NTNG1: variants seen among roughly 807,000 people sequenced by gnomAD.
NTNG1 encodes the protein netrin-G1.
Under a neutral mutation model 54.0 loss-of-function variants are expected in NTNG1, and 16 were observed. That is an observed-to-expected ratio of 0.30 (90% CI 0.20 to 0.45). The LOEUF (loss-of-function observed/expected upper bound fraction) is 0.45, where lower values mean the gene tolerates loss of function less well. NTNG1 is among the 20% of genes least tolerant of loss of function. The pLI is 1.00. For missense variants in NTNG1, 530 were observed against 678.7 expected, an observed-to-expected ratio of 0.78 and a Z score of 2.43; for synonymous variants, 255 against 263.1, an observed-to-expected ratio of 0.97 and a Z score of 0.30.
At chr1:107,152,025 TATATATAC>T (rs1654608101) in intron 2 of NTNG1, among the ~76,000 whole-genome samples, 1 of 149,976 alleles carries the variant, frequency 6.7e-6, no homozygotes, top group African/African-American at 2.5e-5. Flanking sequence ...CACATACATA[TATATATAC>T]ATACATATAT....
chr1:107,156,388 TAAG>T (rs1655000299), intron 2 of NTNG1, among the ~76,000 whole-genome samples: 1 of 152,082 alleles, frequency 6.6e-6, no homozygotes, highest in Admixed American at 6.6e-5. Flanking sequence ...TGTGAGGAAA[TAAG>T]AATCTGTTTA....
At chr1:107,370,201 C>T (rs750346487) in intron 3 of NTNG1, among the ~76,000 whole-genome samples, 60 of 142,096 alleles carry the variant, frequency 4.2e-4, no homozygotes, top group Non-Finnish European at 7.3e-4. Context: ...AAGCCCTTTA[C>T]ATTTCCATGT....
chr1:107,180,285 GGCTTATTTGT>G (rs1442161877), intron 2 of NTNG1, among the ~76,000 whole-genome samples: 1 of 152,006 alleles, frequency 6.6e-6, no homozygotes, highest in Non-Finnish European at 1.5e-5. Flanking sequence ...AAGTTTGTCT[GGCTTATTTGT>G]GCTCCTTCTC....
At chr1:107,342,913 C>T (rs10881463) in intron 3 of NTNG1, among the ~76,000 whole-genome samples, 38,321 of 151,988 alleles carry the variant, frequency 0.25, 4,932 homozygotes, top group Middle Eastern at 0.4. Context: ...GACACACTCC[C>T]TATCCCTGTG....
chr1:107,406,004 A>G (rs1026397250), intron 4 of NTNG1, among the ~76,000 whole-genome samples: 1 of 152,166 alleles, frequency 6.6e-6, no homozygotes, highest in African/African-American at 2.4e-5. Flanking sequence ...GAGTTAAAAC[A>G]TGGACATGGA....
chr1:107,152,126 T>C (rs1654623630), intron 2 of NTNG1, among the ~76,000 whole-genome samples: 1 of 152,106 alleles, frequency 6.6e-6, no homozygotes, highest in Non-Finnish European at 1.5e-5. Flanking sequence ...TTGAAAACCA[T>C]ATATTTTCTT....
intron 2 of NTNG1, among the ~76,000 whole-genome samples, chr1:107,173,932 A>G (rs1006368062): frequency 2.6e-5 from 4 of 152,084 alleles, no homozygotes; most frequent in African/African-American, 7.2e-5. Flanking sequence ...TACACTAGTC[A>G]ACACTACCTT....
intron 2 of NTNG1, among the ~76,000 whole-genome samples, chr1:107,207,656 T>C (rs1318308333): frequency 6.6e-6 from 1 of 152,328 alleles, no homozygotes; most frequent in East Asian, 1.9e-4. Context: ...TTCAAAATGA[T>C]TCAAAACTTT....
chr1:107,288,418 G>C (rs904110556), intron 2 of NTNG1, among the ~76,000 whole-genome samples: 1 of 152,118 alleles, frequency 6.6e-6, no homozygotes, highest in East Asian at 1.9e-4. Flanking sequence ...TTGCATTGAA[G>C]TACAAACGGA....
At position 107,328,260 on chromosome 1, in the gene NTNG1, C is replaced by T. The variant is rs1433654877; in HGVS notation, c.887+3338C>T. On this transcript the variant is annotated intron_variant, in intron 3 of 7. Coordinates refer to ENST00000370068, the MANE Select transcript of NTNG1 (RefSeq NM_001113226.3). ...TTCAGTAAATCACGGTGATTTTCTCCAGTGAATAACAGACGAGTGCAGTGT... is the reference window on the plus strand; with the variant it reads ...TTCAGTAAATCACGGTGATTTTCTCTAGTGAATAACAGACGAGTGCAGTGT... Among the ~76,000 whole-genome samples, 5 of 152,164 alleles carry T rather than the reference C, an allele frequency of 3.3e-5. No individual in the cohort carries two copies. In the South Asian group the frequency reaches 8.3e-4, roughly 25 times the overall value.
intron 3 of NTNG1, among the ~76,000 whole-genome samples, chr1:107,349,833 G>C (rs1473259497): frequency 1.3e-5 from 2 of 152,052 alleles, no homozygotes; most frequent in African/African-American, 4.8e-5. Flanking sequence ...CTATACTCCT[G>C]TCGATGGATA....
intron 7 of NTNG1, among the ~76,000 whole-genome samples, chr1:107,450,119 C>G (rs1378782696): frequency 1.3e-5 from 2 of 152,004 alleles, no homozygotes; most frequent in Non-Finnish European, 2.9e-5. Flanking sequence ...ATATTAACAC[C>G]TGTTAATTTT....
intron 2 of NTNG1, among the ~76,000 whole-genome samples, chr1:107,192,757 T>C (rs1340455752): frequency 6.6e-6 from 1 of 152,064 alleles, no homozygotes; most frequent in Non-Finnish European, 1.5e-5. Flanking sequence ...CATGTGTGAG[T>C]ACCTTGTGCA....
chr1:107,207,332 T>C (rs1659271069), intron 2 of NTNG1, among the ~76,000 whole-genome samples: 1 of 152,178 alleles, frequency 6.6e-6, no homozygotes, highest in South Asian at 2.1e-4. Flanking sequence ...AACTCCTCTG[T>C]GGAATCAGGT....
At chr1:107,440,398 C>T (rs112885492) in intron 7 of NTNG1, among the ~76,000 whole-genome samples, 48 of 152,258 alleles carry the variant, frequency 3.2e-4, no homozygotes, top group Middle Eastern at 3.4e-3. Context: ...ATCCCTTCTC[C>T]ACTTCTTATG....
intron 7 of NTNG1, among the ~76,000 whole-genome samples, chr1:107,442,584 T>C (rs1158907822): frequency 2.0e-5 from 3 of 151,904 alleles, no homozygotes; most frequent in Non-Finnish European, 4.4e-5. Flanking sequence ...ATGACAAAAA[T>C]GTAAAGATAT....
chr1:107,324,935 C>T lies in NTNG1; in HGVS notation c.887+13C>T, dbSNP rs1198331765. ...AGGTGCGAGGAAGGTAAGAGAAAAT[C>T]TGTCTGCCTTCAATGGGAACGGGTG... On this transcript the variant is annotated intron_variant, in intron 3 of 7. Coordinates refer to ENST00000370068, the MANE Select transcript of NTNG1 (RefSeq NM_001113226.3). The T allele has an allele frequency of 6.3e-7, 1 of 1,597,692 alleles. No homozygotes were observed. Among genetic ancestry groups the T allele is most frequent in the Non-Finnish European group, 8.5e-7 (1 of 1,170,696 alleles).
At position 107,484,436 on chromosome 1, in the gene NTNG1, T is replaced by C. The variant is rs1384600708; in HGVS notation, c.*3596T>C. Among the ~76,000 whole-genome samples the C allele has an allele frequency of 3.3e-5, 5 of 152,214 alleles. No homozygotes were observed. Among genetic ancestry groups the C allele is most frequent in the African/African-American group, 1.2e-4 (5 of 41,456 alleles). Reference sequence around the variant, plus strand: ...ATAATTTAACAGTTTGTTAGCTTTATGTATGACTTTTAAATACTTAGACAT... The same window carrying C: ...ATAATTTAACAGTTTGTTAGCTTTACGTATGACTTTTAAATACTTAGACAT... On this transcript the variant is annotated 3_prime_UTR_variant, in exon 8 of 8. Transcript: ENST00000370068.
At chr1:107,203,680 C>T (rs902072744) in intron 2 of NTNG1, among the ~76,000 whole-genome samples, 15 of 150,936 alleles carry the variant, frequency 9.9e-5, no homozygotes, top group Admixed American at 1.3e-4. Flanking sequence ...TTCAACTTGA[C>T]CTTTGTTTTA....
Sources: gnomAD v4.1 joint callset for allele counts (sites outside exome capture counted in the v4.1 genomes callset) on GRCh38, gnomAD v4.1.1 for gene constraint, MANE v1.5 for transcripts, NCBI Gene and HGNC (gene_info 2026-07-23, HGNC 2026-07-21) for gene names.